The following HYDIN variants were observed in gnomAD, a reference collection of about 807,000 sequenced individuals.
The protein encoded by HYDIN is axonemal central pair apparatus protein HYDIN.
A neutral mutation model predicts 403.9 loss-of-function variants in HYDIN; 132 were observed. The observed-to-expected ratio is 0.33, with a 90% CI of 0.28 to 0.38. The LOEUF is 0.38. Among genes scored for constraint, HYDIN ranks in the 10% least tolerant of loss-of-function variants. The probability of loss-of-function intolerance (pLI) is 1.00; values close to 1 mark genes in which losing one functional copy is unlikely to be tolerated. For synonymous variants in HYDIN, 1,202 were observed against 1,891.7 expected (o/e 0.64, Z 9.46); for missense variants, 2,827 against 5,009.5 (o/e 0.56, Z 13.15).
At chr16:71,010,027 A>AG (rs1182403665) in intron 23 of HYDIN, among the ~76,000 whole-genome samples, 1 of 124,922 alleles carries the variant, frequency 8.0e-6, no homozygotes, top group Non-Finnish European at 1.6e-5. Flanking sequence ...GGAAGTTGCT[A>AG]GGGGGAGGGA....
At chr16:71,066,935 T>C (rs62039227) in intron 15 of HYDIN, 226,092 of 615,054 alleles carry the variant, frequency 0.37, 25,141 homozygotes, top group Non-Finnish European at 0.43. Flanking sequence ...TCTGGAGCAC[T>C]ATGTTGAAAG....
chr16:71,214,118 T>C (rs916061693), intron 1 of HYDIN, among the ~76,000 whole-genome samples: 5 of 152,122 alleles, frequency 3.3e-5, no homozygotes, highest in Admixed American at 1.3e-4. Context: ...TGCATTTCTA[T>C]ATACTCAAAA....
At chr16:70,887,059 G>T (rs1163603991) in intron 58 of HYDIN, among the ~76,000 whole-genome samples, 2 of 152,062 alleles carry the variant, frequency 1.3e-5, no homozygotes, top group Non-Finnish European at 2.9e-5. Context: ...TTTTGTTATG[G>T]TTCCACAGAT....
chr16:70,978,141 C>T (rs1027156886), intron 30 of HYDIN, among the ~76,000 whole-genome samples: 2 of 152,070 alleles, frequency 1.3e-5, no homozygotes, highest in African/African-American at 4.8e-5. Flanking sequence ...CCCCTCCCAC[C>T]AAGACCTCGC....
At position 70,805,227 on chromosome 16, in the gene HYDIN, T is replaced by C. The variant is rs2035058880; in HGVS notation, c.*2353A>G. On this transcript the variant is annotated 3_prime_UTR_variant, in exon 86 of 86. Transcript: ENST00000393567. ...GAGTTATGGCTGTGGGTTTGGCAAA[T>C]GTCAAGTTTTGCCAGGTACCTTAAA... is the stretch of plus-strand genomic sequence containing the variant. 6.6e-6 allele frequency among the ~76,000 whole-genome samples: 1 copy of C among 152,182 alleles called. No individual in the cohort carries two copies. The highest frequency in any genetic ancestry group is 2.4e-5 in the African/African-American group (1 of 41,440).
intron 36 of HYDIN, among the ~76,000 whole-genome samples, chr16:70,966,313 T>C (rs993178634): frequency 2.0e-5 from 3 of 150,632 alleles, no homozygotes; most frequent in Non-Finnish European, 4.4e-5. Flanking sequence ...CAGAAGCCAC[T>C]AAGGATCTCA....
chr16:71,043,608 G>C (rs2081355772), intron 18 of HYDIN, among the ~76,000 whole-genome samples: 1 of 151,410 alleles, frequency 6.6e-6, no homozygotes, highest in Non-Finnish European at 1.5e-5. Flanking sequence ...ATATCATTCT[G>C]CTCTTGTTCA....
At chr16:71,003,053 C>T (rs561893380) in intron 23 of HYDIN, among the ~76,000 whole-genome samples, 12 of 152,240 alleles carry the variant, frequency 7.9e-5, no homozygotes, top group Admixed American at 5.2e-4. Flanking sequence ...CATCCCTTCT[C>T]CTTTATTCAA....
At chr16:70,925,365 C>A (rs1284793358) in intron 45 of HYDIN, among the ~76,000 whole-genome samples, 4 of 152,252 alleles carry the variant, frequency 2.6e-5, no homozygotes, top group African/African-American at 9.6e-5. Flanking sequence ...GTTTTCCCAG[C>A]ACCATTTATT....
rs1272642179 is a variant in HYDIN at position 70,806,566 on chromosome 16, G to T, written c.*1014C>A. On this transcript the variant is annotated 3_prime_UTR_variant, in exon 86 of 86. Transcript: ENST00000393567. ...TAAATTCCCAGGTGATAGTACTGCT[G>T]CTGGCCCAGGGACCATTTTTAAGAC... Among the ~76,000 whole-genome samples the T allele has an allele frequency of 1.3e-5, 2 of 152,160 alleles. No homozygotes were observed. Among genetic ancestry groups the T allele is most frequent in the African/African-American group, 4.8e-5 (2 of 41,418 alleles).
At chr16:71,051,820 G>A (rs2081659906) in intron 18 of HYDIN, among the ~76,000 whole-genome samples, 2 of 152,188 alleles carry the variant, frequency 1.3e-5, no homozygotes, top group Non-Finnish European at 2.9e-5. Flanking sequence ...AAGGAAGCTT[G>A]CAGATAAAAG....
chr16:70,843,588 A>T (rs1299891728), intron 75 of HYDIN, among the ~76,000 whole-genome samples: 1 of 140,944 alleles, frequency 7.1e-6, no homozygotes, highest in Non-Finnish European at 1.5e-5. Flanking sequence ...AAATGGTATT[A>T]CTAATTCTAG....
At chr16:70,956,697 G>A (rs2078249306) in intron 39 of HYDIN, among the ~76,000 whole-genome samples, 1 of 152,150 alleles carries the variant, frequency 6.6e-6, no homozygotes, top group African/African-American at 2.4e-5. Context: ...AACATTTCTA[G>A]AAGCTAGAAG....
chr16:70,906,992 GT>G (rs1305710485), intron 50 of HYDIN, among the ~76,000 whole-genome samples: 6 of 152,034 alleles, frequency 3.9e-5, no homozygotes, highest in Non-Finnish European at 8.8e-5. Flanking sequence ...TCTCATCTAC[GT>G]CTGTGGCTTT....
At chr16:70,922,153 C>T (rs1165977960) in intron 45 of HYDIN, among the ~76,000 whole-genome samples, 2 of 152,184 alleles carry the variant, frequency 1.3e-5, no homozygotes, top group Non-Finnish European at 2.9e-5. Flanking sequence ...CCTCATCTTG[C>T]TGCCCTTCCT....
intron 73 of HYDIN, among the ~76,000 whole-genome samples, chr16:70,851,138 G>T (rs927804368): frequency 1.5e-5 from 2 of 137,352 alleles, no homozygotes; most frequent in African/African-American, 5.5e-5. Flanking sequence ...AAGAATTTAT[G>T]ACTGAGTCTT....
intron 1 of HYDIN, among the ~76,000 whole-genome samples, chr16:71,190,105 G>A (rs1157779553): frequency 7.2e-5 from 11 of 152,144 alleles, no homozygotes; most frequent in South Asian, 4.1e-4. Flanking sequence ...ATGAAAGTCC[G>A]GTGGCAATGA....
chr16:71,138,693 A>G (rs1032405835), intron 7 of HYDIN, among the ~76,000 whole-genome samples: 4 of 152,260 alleles, frequency 2.6e-5, no homozygotes, highest in Admixed American at 6.5e-5. Flanking sequence ...TTTAATTGGA[A>G]TATCCTTAAT....
chr16:70,953,907 A>AT lies in HYDIN; in HGVS notation c.6317-1273dup, dbSNP rs1457587601. ...TTATCTTCCCAGCAAAGAATCTTCC[A>AT]TTTCCCTAAGTGTCCCACGCAGAGG... On this transcript the variant is annotated intron_variant, in intron 40 of 85. Transcript: ENST00000393567. 5.4e-5 allele frequency among the ~76,000 whole-genome samples: 4 copies of AT among 73,424 alleles called. No homozygotes were observed. The Admixed American group carries it at 6.8e-4, about 12-fold the overall frequency. The allele number at this position is 73,424 out of a possible 152,430, so 48.2% of individuals were successfully genotyped here.
Sources: gnomAD v4.1 joint callset for allele counts (sites outside exome capture counted in the v4.1 genomes callset) on GRCh38, gnomAD v4.1.1 for gene constraint, MANE v1.5 for transcripts, NCBI Gene and HGNC (gene_info 2026-07-23, HGNC 2026-07-21) for gene names.